The following PAPPA variants were observed in gnomAD, a reference collection of about 807,000 sequenced individuals.
The protein encoded by PAPPA is pappalysin-1.
PAPPA carries 60 observed loss-of-function variants against 164.0 expected under a neutral mutation model. That is an observed-to-expected ratio of 0.37 (90% CI 0.30 to 0.45). The LOEUF is 0.45. Ranked by LOEUF, PAPPA falls within the 20% of genes least tolerant of loss-of-function variation. The probability of loss-of-function intolerance (pLI) is 1.00; values close to 1 mark genes in which losing one functional copy is unlikely to be tolerated. For missense variants in PAPPA, 1,782 were observed against 2,087.3 expected (o/e 0.85, Z 2.85); for synonymous variants, 875 against 814.1 (o/e 1.07, Z -1.27).
At chr9:116,242,130 T>A (rs539573489) in intron 7 of PAPPA, among the ~76,000 whole-genome samples, 1 of 152,192 alleles carries the variant, frequency 6.6e-6, no homozygotes, top group East Asian at 1.9e-4. Context: ...ATGAAAAATA[T>A]TATACTGCAG....
intron 8 of PAPPA, among the ~76,000 whole-genome samples, chr9:116,267,567 T>A (rs897148327): frequency 1.3e-5 from 2 of 152,162 alleles, no homozygotes; most frequent in Non-Finnish European, 2.9e-5. Context: ...AGATACCAAC[T>A]CAAGTTTTTA....
At chr9:116,259,998 C>T (rs769503257) in intron 7 of PAPPA, among the ~76,000 whole-genome samples, 24 of 152,134 alleles carry the variant, frequency 1.6e-4, no homozygotes, top group South Asian at 4.2e-4. Flanking sequence ...AAAATAAATA[C>T]GCCAGATCTA....
rs1020471955 is a variant in PAPPA, at chr9:116,271,628, A to G, written c.2953+212A>G. ...CAAACAAACAAAGCAATCCCTCAAG[A>G]GCTTAAGCTCTCATAGATGATGCCA... On this transcript the variant is annotated intron_variant, in intron 9 of 21. Coordinates refer to ENST00000328252, the MANE Select transcript of PAPPA (RefSeq NM_002581.5). The surrounding 1 kb of genome is among the most constrained non-coding windows in gnomAD (Gnocchi z 4.2). Among the ~76,000 whole-genome samples, 2 of 152,190 alleles carry G rather than the reference A, an allele frequency of 1.3e-5. No individual in the cohort carries two copies. Among genetic ancestry groups the G allele is most frequent in the Non-Finnish European group, 2.9e-5 (2 of 68,034 alleles).
intron 18 of PAPPA, 84 bp from the exon 19 acceptor site, chr9:116,367,560 TG>T: frequency 1.0e-6 from 1 of 960,684 alleles, no homozygotes; most frequent in Non-Finnish European, 1.6e-6. Flanking sequence ...GACCAGGGAG[TG>T]GGAGGGCCCA....
chr9:116,393,820 A>G (rs1846925980), intron 21 of PAPPA, among the ~76,000 whole-genome samples: 1 of 152,206 alleles, frequency 6.6e-6, no homozygotes, highest in African/African-American at 2.4e-5. Context: ...TGGGGAACCA[A>G]TAAATAAAGA....
At chr9:116,382,152 C>T (rs1339678422) in intron 20 of PAPPA, among the ~76,000 whole-genome samples, 1 of 152,044 alleles carries the variant, frequency 6.6e-6, no homozygotes, top group African/African-American at 2.4e-5. Context: ...CTCAGCATAA[C>T]CATACTCTAG....
chr9:116,354,849 C>A (rs1449371039), intron 17 of PAPPA, among the ~76,000 whole-genome samples: 2 of 152,098 alleles, frequency 1.3e-5, no homozygotes, highest in African/African-American at 2.4e-5. Context: ...GAACCAGGAG[C>A]CCCCGTCCCT....
chr9:116,280,441 G>T (rs1307839383), intron 9 of PAPPA, among the ~76,000 whole-genome samples: 1 of 152,148 alleles, frequency 6.6e-6, no homozygotes, highest in Non-Finnish European at 1.5e-5. Flanking sequence ...ACAGGTAACT[G>T]AGCAAGGATT....
Position 116,235,141 on chromosome 9 carries a change from C to T in PAPPA, c.2236C>T (p.His746Tyr), listed in dbSNP as rs1311858225. 6.2e-7 allele frequency: 1 copy of T among 1,614,122 alleles called. No homozygotes were observed. The highest frequency in any genetic ancestry group is 8.5e-7 in the Non-Finnish European group (1 of 1,179,990). Reference sequence around the variant, plus strand: ...ATTCCCTCATCTCTTCTGCATAGGTCATCCTGATGTTGAACAGCCCTGTAA... The same window carrying T: ...ATTCCCTCATCTCTTCTGCATAGGTTATCCTGATGTTGAACAGCCCTGTAA... ...GHWSPREAEG[H>Y]PDVEQPCKSS... The change falls in exon 7 of 22, where the codon CAT becomes TAT. Residue 746 changes from histidine (H) to tyrosine (Y), a missense_variant and splice_region_variant. By Grantham distance (83) the His-to-Tyr change is moderately conservative. Around this residue, in one of 2 missense-constraint regions of PAPPA, gnomAD observed 1,324 missense variants for 1,656.9 expected, o/e 0.80. Coordinates refer to ENST00000328252, the MANE Select transcript of PAPPA (RefSeq NM_002581.5).
chr9:116,290,778 C>A (rs1845426516), intron 9 of PAPPA, among the ~76,000 whole-genome samples: 1 of 151,196 alleles, frequency 6.6e-6, no homozygotes, highest in South Asian at 2.1e-4. Context: ...CTTTTATTAC[C>A]CTCTTTCTTT....
chr9:116,358,162 C>T (rs1372175312), intron 17 of PAPPA, among the ~76,000 whole-genome samples: 1 of 152,136 alleles, frequency 6.6e-6, no homozygotes, highest in Non-Finnish European at 1.5e-5. Flanking sequence ...TCAGAGACCC[C>T]CACTGTAGCT....
At chr9:116,229,416 A>C (rs189040779) in intron 6 of PAPPA, among the ~76,000 whole-genome samples, 1 of 152,314 alleles carries the variant, frequency 6.6e-6, no homozygotes, top group East Asian at 1.9e-4. Context: ...TTGTGCTCTG[A>C]TAGCTAATGG....
chr9:116,179,886 G>A (rs1843883125), intron 1 of PAPPA, among the ~76,000 whole-genome samples: 1 of 152,116 alleles, frequency 6.6e-6, no homozygotes, highest in Admixed American at 6.5e-5. Flanking sequence ...ACAAAAAAGG[G>A]ACCAGCTCCA....
intron 13 of PAPPA, among the ~76,000 whole-genome samples, chr9:116,340,349 C>G (rs191264310): frequency 5.3e-5 from 8 of 152,284 alleles, no homozygotes; most frequent in Non-Finnish European, 1.0e-4. Context: ...ACAACCTTGT[C>G]CAACTAACAG....
intron 14 of PAPPA, among the ~76,000 whole-genome samples, chr9:116,346,711 G>A (rs531004666): frequency 6.6e-5 from 10 of 152,302 alleles, no homozygotes; most frequent in East Asian, 1.9e-4. Flanking sequence ...AATGGAAATC[G>A]TGATCTGGGA....
chr9:116,264,663 G>A (rs534692774), intron 7 of PAPPA, among the ~76,000 whole-genome samples: 111 of 152,104 alleles, frequency 7.3e-4, no homozygotes, highest in Non-Finnish European at 1.3e-3. Flanking sequence ...TCATCCTTTT[G>A]TTTATGAAAT....
chr9:116,202,102 A>G (rs1279870149), intron 2 of PAPPA, among the ~76,000 whole-genome samples: 1 of 152,222 alleles, frequency 6.6e-6, no homozygotes, highest in African/African-American at 2.4e-5. Context: ...ATCTGGGCTC[A>G]CTGTAAGCTG....
intron 1 of PAPPA, among the ~76,000 whole-genome samples, chr9:116,171,048 C>A (rs1004854388): frequency 1.3e-5 from 2 of 152,152 alleles, no homozygotes; most frequent in Non-Finnish European, 2.9e-5. Context: ...TCTAGACTAC[C>A]AGAGGCTCCT....
chr9:116,322,760 T>C (rs964612515), intron 10 of PAPPA, among the ~76,000 whole-genome samples: 41 of 151,692 alleles, frequency 2.7e-4, no homozygotes, highest in Non-Finnish European at 5.0e-4. Context: ...AGGAGAAATA[T>C]TGAGAAACAC....
Sources: allele counts gnomAD v4.1 joint callset (sites outside exome capture counted in the v4.1 genomes callset), GRCh38; gene constraint gnomAD v4.1.1; regional missense constraint gnomAD v4.1.1; non-coding constraint Gnocchi (gnomAD v3.1); transcripts MANE v1.5; gene names NCBI Gene and HGNC (gene_info 2026-07-23, HGNC 2026-07-21).